The following NRXN3 variants were observed in gnomAD, a reference collection of about 807,000 sequenced individuals.
NRXN3 encodes neurexin 3.
In NRXN3, 32 loss-of-function variants were observed where a neutral mutation model predicts 137.6. The ratio of observed to expected loss-of-function variants is 0.23; its 90% CI spans 0.18 to 0.31. The LOEUF is 0.31. NRXN3 is among the 10% of genes least tolerant of loss of function. The pLI is 1.00. For synonymous variants in NRXN3, 798 were observed against 784.5 expected (o/e 1.02, Z -0.29); for missense variants, 1,574 against 2,062.5 (o/e 0.76, Z 4.59).
At chr14:79,086,941 T>C (rs1202369478) in intron 15 of NRXN3, among the ~76,000 whole-genome samples, 1 of 152,182 alleles carries the variant, frequency 6.6e-6, no homozygotes, top group Non-Finnish European at 1.5e-5. Context: ...GTCAATTGTC[T>C]GTAAGAGCTC....
intron 15 of NRXN3, chr14:79,200,014 G>C (rs2065741726): frequency 6.6e-6 from 1 of 152,296 alleles, no homozygotes; most frequent in Non-Finnish European, 1.5e-5. Context: ...CATTGACTGG[G>C]GGAGTTTCCT....
chr14:79,124,852 AT>A (rs1242890090), intron 15 of NRXN3, among the ~76,000 whole-genome samples: 2 of 151,938 alleles, frequency 1.3e-5, no homozygotes, highest in Admixed American at 6.5e-5. Context: ...GATTCTCTAA[AT>A]TTTTTGCTGA....
intron 6 of NRXN3, among the ~76,000 whole-genome samples, chr14:78,707,606 A>T (rs1056333205): frequency 1.3e-5 from 2 of 152,128 alleles, no homozygotes; most frequent in Non-Finnish European, 2.9e-5. Flanking sequence ...GTTTGGTTAC[A>T]TGAATAAGTT....
intron 4 of NRXN3, among the ~76,000 whole-genome samples, chr14:78,313,541 A>G (rs28542174): frequency 0.011 from 1,641 of 152,192 alleles, 27 homozygotes; most frequent in African/African-American, 0.033. Context: ...GAATGATTAC[A>G]TGGCATTATC....
intron 10 of NRXN3, among the ~76,000 whole-genome samples, chr14:78,830,361 T>A (rs1214333019): frequency 6.6e-6 from 1 of 152,170 alleles, no homozygotes; most frequent in Non-Finnish European, 1.5e-5. Flanking sequence ...AGCCTAGATT[T>A]TGTTACAAAT....
At chr14:79,028,394 A>T (rs1595100654) in intron 15 of NRXN3, among the ~76,000 whole-genome samples, 1 of 152,264 alleles carries the variant, frequency 6.6e-6, no homozygotes, top group Middle Eastern at 3.4e-3. Context: ...CAGTCTGGAA[A>T]GGGAAATCAC....
chr14:79,583,556 C>A (rs2097737215), intron 16 of NRXN3, among the ~76,000 whole-genome samples: 1 of 152,028 alleles, frequency 6.6e-6, no homozygotes, highest in African/African-American at 2.4e-5. Flanking sequence ...AAGAAGGAAG[C>A]CCCTACATGC....
chr14:78,658,737 G>A (rs1346584421), intron 6 of NRXN3, among the ~76,000 whole-genome samples: 2 of 152,194 alleles, frequency 1.3e-5, no homozygotes, highest in Non-Finnish European at 2.9e-5. Flanking sequence ...GCTTTGGGTA[G>A]CAAGGTAAAC....
rs75801079 is a variant in NRXN3 at position 78,628,457 on chromosome 14, A to G, written c.758-16663A>G. On this transcript the variant is annotated intron_variant, in intron 4 of 20. Coordinates refer to ENST00000335750, the MANE Select transcript of NRXN3 (RefSeq NM_001330195.2). ...GTACCTGAAAAATATGACATGCTAA[A>G]ATGTGACAGAACTCCTGTTTTCACT... is the stretch of plus-strand genomic sequence containing the variant. Among the ~76,000 whole-genome samples, 148 of 152,284 alleles carry G rather than the reference A, an allele frequency of 9.7e-4. 2 individuals are homozygous for G. In the East Asian group the frequency reaches 0.028, roughly 28 times the overall value.
intron 15 of NRXN3, among the ~76,000 whole-genome samples, chr14:79,376,150 T>C: frequency 6.9e-6 from 1 of 145,562 alleles, no homozygotes; most frequent in African/African-American, 2.5e-5. Flanking sequence ...GTATATGGTA[T>C]ATATGTGTAT....
intron 15 of NRXN3, among the ~76,000 whole-genome samples, chr14:79,100,686 G>T (rs4903831): frequency 0.99 from 150,965 of 152,336 alleles, 74,827 homozygotes; most frequent in Middle Eastern, 1. Flanking sequence ...TCAGAATAGG[G>T]CACCCCATGG....
intron 20 of NRXN3, among the ~76,000 whole-genome samples, chr14:79,846,990 A>C (rs1248609269): frequency 6.6e-6 from 1 of 152,190 alleles, no homozygotes; most frequent in Non-Finnish European, 1.5e-5. Context: ...TCAACTAATA[A>C]GATTTTGAAT....
intron 1 of NRXN3, among the ~76,000 whole-genome samples, chr14:78,202,962 G>C (rs985160227): frequency 1.3e-5 from 2 of 152,224 alleles, no homozygotes; most frequent in African/African-American, 4.8e-5. Context: ...AGTAGAGATA[G>C]ACATCTAGGA....
At position 79,814,372 on chromosome 14, in the gene NRXN3, T is replaced by A. The variant is rs2099245230; in HGVS notation, c.4093+9182T>A. ...TGATTTGAAATCCTCTGCCTTTATT[T>A]CTCACTCTCCTATTGTCTCTACTTT... On this transcript the variant is annotated intron_variant, in intron 20 of 20. Transcript: ENST00000335750. 2.0e-5 allele frequency among the ~76,000 whole-genome samples: 3 copies of A among 152,226 alleles called. No homozygotes were observed. In the South Asian group the frequency reaches 6.2e-4, roughly 31 times the overall value.
intron 15 of NRXN3, among the ~76,000 whole-genome samples, chr14:79,218,721 G>T (rs2068974865): frequency 6.6e-6 from 1 of 152,152 alleles, no homozygotes; most frequent in Non-Finnish European, 1.5e-5. Flanking sequence ...TGGTTTATTT[G>T]AGAACAACAA....
At chr14:79,473,215 C>T (rs185643483) in intron 16 of NRXN3, among the ~76,000 whole-genome samples, 2 of 152,160 alleles carry the variant, frequency 1.3e-5, no homozygotes, top group Non-Finnish European at 2.9e-5. Context: ...GTTCTCCTTC[C>T]AAAAACTGGA....
intron 15 of NRXN3, among the ~76,000 whole-genome samples, chr14:79,001,735 G>A (rs1249527806): frequency 6.6e-6 from 1 of 152,218 alleles, no homozygotes; most frequent in Admixed American, 6.5e-5. Flanking sequence ...GTGGACCTGA[G>A]AGTAAAAGGT....
chr14:78,887,820 C>T (rs187139060), intron 10 of NRXN3, among the ~76,000 whole-genome samples: 5 of 152,102 alleles, frequency 3.3e-5, no homozygotes, highest in East Asian at 1.9e-4. Flanking sequence ...GCATGGGTGA[C>T]GATAAGCAGC....
intron 4 of NRXN3, among the ~76,000 whole-genome samples, chr14:78,357,781 T>A (rs528750927): frequency 6.6e-6 from 1 of 152,352 alleles, no homozygotes; most frequent in African/African-American, 2.4e-5. Flanking sequence ...TTCACATGAA[T>A]CTATGATATG....
Sources: gnomAD v4.1 joint callset for allele counts (sites outside exome capture counted in the v4.1 genomes callset) on GRCh38, gnomAD v4.1.1 for gene constraint, MANE v1.5 for transcripts, NCBI Gene and HGNC (gene_info 2026-07-23, HGNC 2026-07-21) for gene names.